The following KLHL1 variants were observed in gnomAD, a reference collection of about 807,000 sequenced individuals.
KLHL1 encodes the protein kelch like family member 1, also known as kelch-like protein 1.
In KLHL1, 47 loss-of-function variants were observed where a neutral mutation model predicts 77.7. That is an observed-to-expected ratio of 0.60 (90% CI 0.48 to 0.77). KLHL1 has a LOEUF of 0.77. Among genes scored for constraint, KLHL1 ranks in the 30% least tolerant of loss-of-function variants. KLHL1 has a pLI of 0.00. For synonymous variants in KLHL1, 360 were observed against 325.2 expected, an observed-to-expected ratio of 1.11 and a Z score of -1.15; for missense variants, 925 against 910.8, an observed-to-expected ratio of 1.02 and a Z score of -0.20.
At chr13:69,889,278 C>A (rs984156506) in intron 4 of KLHL1, among the ~76,000 whole-genome samples, 1 of 151,646 alleles carries the variant, frequency 6.6e-6, no homozygotes, top group African/African-American at 2.4e-5. Context: ...GTCAAAGTTG[C>A]TGACTGAACT....
intron 4 of KLHL1, among the ~76,000 whole-genome samples, chr13:69,896,880 C>T (rs57826124): frequency 6.6e-6 from 1 of 151,936 alleles, no homozygotes; most frequent in Non-Finnish European, 1.5e-5. Context: ...ACCATATTGG[C>T]CAGGCTGGTC....
intron 6 of KLHL1, among the ~76,000 whole-genome samples, chr13:69,799,044 G>A (rs181888072): frequency 2.0e-5 from 3 of 151,822 alleles, no homozygotes; most frequent in African/African-American, 7.3e-5. Flanking sequence ...AGCTGAGATC[G>A]TGCCACTGCA....
chr13:70,053,852 AC>A (rs1886684074), intron 1 of KLHL1, among the ~76,000 whole-genome samples: 1 of 151,996 alleles, frequency 6.6e-6, no homozygotes, highest in South Asian at 2.1e-4. Flanking sequence ...CCAAGTACCA[AC>A]CCCAACCTGC....
chr13:69,999,484 A>G (rs1384383261), intron 1 of KLHL1, among the ~76,000 whole-genome samples: 2 of 152,108 alleles, frequency 1.3e-5, no homozygotes, highest in African/African-American at 4.8e-5. Flanking sequence ...GAAAGGTTTG[A>G]CAGACCTAAT....
intron 7 of KLHL1, among the ~76,000 whole-genome samples, chr13:69,786,786 G>T (rs979971659): frequency 2.6e-5 from 4 of 152,152 alleles, no homozygotes; most frequent in African/African-American, 9.7e-5. Flanking sequence ...ATCTCCTTAA[G>T]CTGATAAGCA....
intron 1 of KLHL1, among the ~76,000 whole-genome samples, chr13:70,049,287 CTTG>C (rs1431775318): frequency 3.3e-5 from 5 of 152,016 alleles, no homozygotes; most frequent in African/African-American, 1.2e-4. Flanking sequence ...TCTTTTATTT[CTTG>C]TTGTCTTGAA....
At chr13:70,072,197 G>C (rs946244598) in intron 1 of KLHL1, among the ~76,000 whole-genome samples, 1 of 152,138 alleles carries the variant, frequency 6.6e-6, no homozygotes, top group African/African-American at 2.4e-5. Flanking sequence ...TGGTAACTTA[G>C]ATAAAATGGA....
chr13:70,005,670 A>G (rs1885389731), intron 1 of KLHL1, among the ~76,000 whole-genome samples: 1 of 151,976 alleles, frequency 6.6e-6, no homozygotes, highest in Non-Finnish European at 1.5e-5. Flanking sequence ...AAACAAATGT[A>G]TTGCTTATTT....
At chr13:69,931,132 A>G (rs972771191) in intron 4 of KLHL1, among the ~76,000 whole-genome samples, 1 of 151,666 alleles carries the variant, frequency 6.6e-6, no homozygotes, top group Non-Finnish European at 1.5e-5. Context: ...CTGCAGAGAA[A>G]CTAATTTCCA....
intron 7 of KLHL1, among the ~76,000 whole-genome samples, chr13:69,753,304 C>T (rs937847237): frequency 6.6e-6 from 1 of 152,062 alleles, no homozygotes; most frequent in African/African-American, 2.4e-5. Context: ...GCTTTGATAA[C>T]CAATTGAAGT....
At chr13:69,785,685 C>CA (rs549070086) in intron 7 of KLHL1, among the ~76,000 whole-genome samples, 2,148 of 151,138 alleles carry the variant, frequency 0.014, 52 homozygotes, top group African/African-American at 0.048. Flanking sequence ...AATAGAGACA[C>CA]AAAAAACCCT....
intron 4 of KLHL1, chr13:69,894,350 G>C (rs1318522515): frequency 6.4e-6 from 1 of 156,044 alleles, no homozygotes; most frequent in Non-Finnish European, 1.4e-5. Context: ...CAAATTTCTA[G>C]TCAATACGAT....
intron 4 of KLHL1, among the ~76,000 whole-genome samples, chr13:69,935,508 TAG>T (rs1417638616): frequency 1.3e-5 from 2 of 152,002 alleles, no homozygotes; most frequent in Non-Finnish European, 2.9e-5. Context: ...TGTAAGAGAA[TAG>T]AGAGTTTTGA....
At position 69,714,785 on chromosome 13, in the gene KLHL1, G is replaced by T. The variant is rs574022906; in HGVS notation, c.2015+4584C>A. ...ATTTTTGTATTTCTAGTACAGATGG[G>T]ATTTTGCTCTGTTGTCCAGGATGGT... On this transcript the variant is annotated intron_variant, in intron 9 of 10. Coordinates refer to ENST00000377844, the MANE Select transcript of KLHL1 (RefSeq NM_020866.3). Among the ~76,000 whole-genome samples the T allele has an allele frequency of 9.9e-4, 150 of 151,944 alleles. 2 individuals are homozygous for T. Among genetic ancestry groups the T allele is most frequent in the Non-Finnish European group, 4.0e-4 (27 of 67,966 alleles).
intron 4 of KLHL1, among the ~76,000 whole-genome samples, chr13:69,905,629 A>G (rs1882022565): frequency 6.6e-6 from 1 of 152,094 alleles, no homozygotes; most frequent in African/African-American, 2.4e-5. Context: ...AACAATAATA[A>G]ACTTGTGATT....
chr13:69,983,589 A>AAAAAAAAAAAG (rs1216543322), intron 1 of KLHL1, among the ~76,000 whole-genome samples: 2 of 132,220 alleles, frequency 1.5e-5, no homozygotes, highest in African/African-American at 3.7e-5. Context: ...AAAAAAAAAA[A>AAAAAAAAAAAG]AAGAAGAAGA....
chr13:69,701,818 T>TTA, intron 10 of KLHL1, 57 bp from the exon 11 acceptor site: 4 of 1,247,612 alleles, frequency 3.2e-6, no homozygotes, highest in Non-Finnish European at 4.5e-6. Context: ...AATATAAAAC[T>TTA]TATATTTTAA....
At chr13:70,088,374 A>T (rs964158659) in intron 1 of KLHL1, among the ~76,000 whole-genome samples, 1 of 139,684 alleles carries the variant, frequency 7.2e-6, no homozygotes, top group Non-Finnish European at 1.5e-5. Flanking sequence ...TTTTATCCAA[A>T]ATATATACAA....
intron 9 of KLHL1, among the ~76,000 whole-genome samples, chr13:69,709,056 G>A (rs973978943): frequency 5.8e-4 from 88 of 152,148 alleles, no homozygotes; most frequent in South Asian, 2.1e-4. Flanking sequence ...TGCACACTGT[G>A]GTTGGGGGGT....
Sources: gnomAD v4.1 joint callset for allele counts (sites outside exome capture counted in the v4.1 genomes callset) on GRCh38, gnomAD v4.1.1 for gene constraint, MANE v1.5 for transcripts, NCBI Gene and HGNC (gene_info 2026-07-23, HGNC 2026-07-21) for gene names.